RTTN: variants seen among roughly 807,000 people sequenced by gnomAD.
RTTN encodes the protein rotatin.
Under a neutral mutation model 269.2 loss-of-function variants are expected in RTTN, and 182 were observed. The observed-to-expected ratio is 0.68, with a 90% CI of 0.60 to 0.76. RTTN has a LOEUF of 0.76. Ranked by LOEUF, RTTN falls within the 30% of genes least tolerant of loss-of-function variation. The pLI is 0.00. For missense variants in RTTN, 2,545 were observed against 2,608.6 expected, an observed-to-expected ratio of 0.98 and a Z score of 0.53; for synonymous variants, 1,006 against 963.5, an observed-to-expected ratio of 1.04 and a Z score of -0.82.
At chr18:70,162,202 T>C (rs1266865083) in intron 14 of RTTN, among the ~76,000 whole-genome samples, 1 of 152,132 alleles carries the variant, frequency 6.6e-6, no homozygotes, top group Non-Finnish European at 1.5e-5. Flanking sequence ...AAATAATGTC[T>C]TTTGCAGCAA....
chr18:70,169,616 A>G (rs2061085262), intron 11 of RTTN, among the ~76,000 whole-genome samples: 1 of 152,208 alleles, frequency 6.6e-6, no homozygotes, highest in Non-Finnish European at 1.5e-5. Flanking sequence ...TGGAAATCCA[A>G]TATAATATTT....
intron 43 of RTTN, among the ~76,000 whole-genome samples, chr18:70,026,470 T>C (rs1399139267): frequency 1.3e-5 from 2 of 152,106 alleles, no homozygotes; most frequent in Non-Finnish European, 2.9e-5. Flanking sequence ...GCTCCAGTTC[T>C]AGTAATGTGA....
chr18:70,125,074 T>C (rs2059831104), intron 25 of RTTN, among the ~76,000 whole-genome samples: 1 of 151,832 alleles, frequency 6.6e-6, no homozygotes, highest in South Asian at 2.1e-4. Flanking sequence ...AGCATACACA[T>C]ATAAAAACAT....
chr18:70,099,334 C>T (rs942668555), intron 28 of RTTN, among the ~76,000 whole-genome samples: 5 of 150,298 alleles, frequency 3.3e-5, no homozygotes, highest in Non-Finnish European at 6.0e-5. Flanking sequence ...TGCATTTCTC[C>T]GATGATGAGC....
chr18:70,182,769 A>G (rs1474108206), intron 10 of RTTN, among the ~76,000 whole-genome samples: 1 of 152,228 alleles, frequency 6.6e-6, no homozygotes, highest in African/African-American at 2.4e-5. Context: ...CTACTACTGT[A>G]CACATGTTGA....
At chr18:70,011,385 T>C (rs1452208972) in intron 46 of RTTN, among the ~76,000 whole-genome samples, 1 of 152,174 alleles carries the variant, frequency 6.6e-6, no homozygotes, top group Non-Finnish European at 1.5e-5. Flanking sequence ...AAAAAGCTTA[T>C]TCACCAAGAT....
At chr18:70,152,437 C>T (rs113251570) in intron 14 of RTTN, among the ~76,000 whole-genome samples, 8 of 152,234 alleles carry the variant, frequency 5.3e-5, no homozygotes, top group African/African-American at 1.9e-4. Context: ...AGATAATATA[C>T]TTATAAAAGT....
Position 70,065,838 on chromosome 18 carries a change from CA to C in RTTN, c.4737del (p.Phe1579LeufsTer47). The stretch of plus-strand genomic sequence containing the variant: ...TTCACTAAAAGGATACCTTGAGCCA[CA>C]AACTGGTCATGGGAGGCTTCAGGTA... Reference protein sequence around the residue: ...TLLPEASHDQFVAQGHQESTS... With the variant: ...TLLPEASHDQXVAQGHQESTS... On this transcript the variant is annotated frameshift_variant, in exon 35 of 49. Transcript: ENST00000640769. LOFTEE classifies it high-confidence loss of function. 1 of 1,591,302 alleles carries C rather than the reference CA, an allele frequency of 6.3e-7. No individual in the cohort carries two copies. The highest frequency in any genetic ancestry group is 8.6e-7 in the Non-Finnish European group (1 of 1,167,712).
At chr18:70,152,729 T>C (rs1471949764) in intron 14 of RTTN, among the ~76,000 whole-genome samples, 2 of 152,096 alleles carry the variant, frequency 1.3e-5, no homozygotes, top group Non-Finnish European at 1.5e-5. Flanking sequence ...ACGTCCGTAA[T>C]ACCTCCTAAA....
intron 46 of RTTN, among the ~76,000 whole-genome samples, chr18:70,010,015 TC>T (rs887937689): frequency 6.6e-6 from 1 of 152,058 alleles, no homozygotes; most frequent in African/African-American, 2.4e-5. Flanking sequence ...GATAAAGGGA[TC>T]AATGCAACAA....
chr18:70,186,124 G>C (rs1444152089), intron 10 of RTTN, among the ~76,000 whole-genome samples: 1 of 151,288 alleles, frequency 6.6e-6, no homozygotes, highest in Non-Finnish European at 1.5e-5. Flanking sequence ...TGAAGATGTG[G>C]AACAACTGGA....
At chr18:70,167,567 C>CA (rs1328260928) in intron 12 of RTTN, among the ~76,000 whole-genome samples, 2 of 151,852 alleles carry the variant, frequency 1.3e-5, no homozygotes, top group African/African-American at 4.8e-5. Context: ...ACTAAAAATA[C>CA]AAAAAATTAG....
At chr18:70,202,894 G>A (rs953232774) in intron 3 of RTTN, among the ~76,000 whole-genome samples, 16 of 151,950 alleles carry the variant, frequency 1.1e-4, no homozygotes, top group South Asian at 4.2e-4. Context: ...GTTGTGAACC[G>A]CAGTACCCAC....
intron 40 of RTTN, among the ~76,000 whole-genome samples, chr18:70,040,024 T>C (rs1041173182): frequency 1.4e-5 from 2 of 147,090 alleles, no homozygotes; most frequent in Non-Finnish European, 3.0e-5. Context: ...AAGAAAATCA[T>C]CTTCACTAAA....
chr18:70,037,556 C>T (rs1348453303), intron 40 of RTTN, among the ~76,000 whole-genome samples: 2 of 152,124 alleles, frequency 1.3e-5, no homozygotes, highest in East Asian at 3.9e-4. Flanking sequence ...CCAGTCCTGG[C>T]AGGATTCATT....
chr18:70,077,165 T>C (rs2058449298), intron 32 of RTTN, among the ~76,000 whole-genome samples: 1 of 151,910 alleles, frequency 6.6e-6, no homozygotes, highest in South Asian at 2.1e-4. Context: ...GTACAAAAAC[T>C]AGTTTTCAAA....
At chr18:70,096,003 T>C (rs1035415622) in intron 28 of RTTN, among the ~76,000 whole-genome samples, 1 of 152,070 alleles carries the variant, frequency 6.6e-6, no homozygotes, top group African/African-American at 2.4e-5. Context: ...CTTTTGTTTT[T>C]TTTTTTTCTC....
At position 70,145,660 on chromosome 18, in the gene RTTN, C is replaced by T. The variant is rs753858023; in HGVS notation, c.2433G>A (p.Lys811=). Residue 811 remains lysine (K), a synonymous_variant, in exon 18 of 49, where the codon AAG becomes AAA. Coordinates refer to ENST00000640769, the MANE Select transcript of RTTN (RefSeq NM_173630.4). ...CATCCAGTCTGAGTTCAATAGGTTT[C>T]TTCCCAATGAATAAATCAGTAACTC... The part of the protein sequence containing the change: ...LSRVTDLFIG[K]KPIELRLDDR... 1.9e-6 allele frequency: 3 copies of T among 1,612,928 alleles called. No individual in the cohort carries two copies. Among genetic ancestry groups the T allele is most frequent in the East Asian group, 4.5e-5 (2 of 44,838 alleles).
At chr18:70,035,871 C>T (rs144232484) in intron 40 of RTTN, among the ~76,000 whole-genome samples, 2,944 of 152,064 alleles carry the variant, frequency 0.019, 93 homozygotes, top group African/African-American at 0.066. Context: ...AAAAAACAAC[C>T]CCATTAAGAA....
Sources: allele counts gnomAD v4.1 joint callset (sites outside exome capture counted in the v4.1 genomes callset), GRCh38; gene constraint gnomAD v4.1.1; transcripts MANE v1.5; gene names NCBI Gene and HGNC (gene_info 2026-07-23, HGNC 2026-07-21).